The following TTC39B variants were observed in gnomAD, a reference collection of about 807,000 sequenced individuals.
The protein encoded by TTC39B is tetratricopeptide repeat protein 39B.
TTC39B carries 92 observed loss-of-function variants against 96.6 expected under a neutral mutation model. The observed-to-expected ratio is 0.95, with a 90% CI of 0.80 to 1.13. The LOEUF (loss-of-function observed/expected upper bound fraction) is 1.13. TTC39B is among the 50% of genes most tolerant of loss of function. The pLI is 0.00. For missense variants in TTC39B, 955 were observed against 809.3 expected, an observed-to-expected ratio of 1.18 and a Z score of -2.18; for synonymous variants, 367 against 299.4, an observed-to-expected ratio of 1.23 and a Z score of -2.33.
chr9:15,274,589 G>C (rs1031015192), intron 1 of TTC39B, among the ~76,000 whole-genome samples: 5 of 152,130 alleles, frequency 3.3e-5, no homozygotes, highest in Non-Finnish European at 7.4e-5. Context: ...CTTAATCAAA[G>C]GGAAAGAAAG....
exon 19 of TTC39B, chr9:15,175,082 A>G (rs564399366): frequency 6.2e-7 from 1 of 1,613,806 alleles, no homozygotes; most frequent in South Asian, 1.1e-5. Context: ...CAAAGATGCC[A>G]ATTCAAATAG....
chr9:15,285,012 A>G (rs1823905243), intron 1 of TTC39B, among the ~76,000 whole-genome samples: 2 of 152,108 alleles, frequency 1.3e-5, no homozygotes, highest in South Asian at 4.1e-4. Context: ...CTGTAATCCC[A>G]GCACTTTGGG....
chr9:15,218,688 T>C (rs1281507205), intron 3 of TTC39B, among the ~76,000 whole-genome samples: 1 of 151,556 alleles, frequency 6.6e-6, no homozygotes, highest in Non-Finnish European at 1.5e-5. Context: ...CTATACTATA[T>C]CATTATCACT....
exon 20 of TTC39B, chr9:15,168,121 T>C (rs1304942682): frequency 6.6e-6 from 1 of 152,166 alleles, no homozygotes; most frequent in Admixed American, 6.5e-5. Flanking sequence ...CTTTAAGAAG[T>C]GCAGCACGTA....
chr9:15,232,025 G>A (rs1396267109), intron 2 of TTC39B, among the ~76,000 whole-genome samples: 1 of 152,038 alleles, frequency 6.6e-6, no homozygotes, highest in Admixed American at 6.5e-5. Context: ...TCGTCACTGT[G>A]ATACTCATGG....
intron 3 of TTC39B, among the ~76,000 whole-genome samples, chr9:15,219,954 A>G (rs1357735618): frequency 6.6e-6 from 1 of 152,208 alleles, no homozygotes; most frequent in African/African-American, 2.4e-5. Context: ...CATCTAAGCT[A>G]TAATACATTC....
exon 20 of TTC39B, chr9:15,163,927 G>C (rs1327857272): frequency 6.6e-6 from 1 of 152,148 alleles, no homozygotes; most frequent in African/African-American, 2.4e-5. Context: ...ATTAGCATTA[G>C]CTTAAAAATC....
At chr9:15,225,398 T>C (rs1821067963) in intron 3 of TTC39B, among the ~76,000 whole-genome samples, 2 of 152,180 alleles carry the variant, frequency 1.3e-5, no homozygotes, top group Non-Finnish European at 2.9e-5. Flanking sequence ...TCTTAAAATA[T>C]ATTTTTAAAC....
chr9:15,202,956 C>A (rs1819629473), intron 7 of TTC39B, among the ~76,000 whole-genome samples: 1 of 152,120 alleles, frequency 6.6e-6, no homozygotes, highest in Non-Finnish European at 1.5e-5. Flanking sequence ...TAAAATGGAT[C>A]ATAAGAAAAG....
In TTC39B at chr9:15,242,544, C is replaced by T. The variant is rs2131474223; in HGVS notation, c.276-16532G>A. 2.0e-5 allele frequency among the ~76,000 whole-genome samples: 3 copies of T among 152,160 alleles called. No individual in the cohort carries two copies. The South Asian group carries it at 6.2e-4, about 32-fold the overall frequency. On this transcript the variant is annotated intron_variant, in intron 2 of 19. Coordinates refer to ENST00000512701, the Ensembl canonical transcript of TTC39B. ...GCTGCAGTGAGCTGTGATCATGTCA[C>T]TACACTCCAACCTGGGTGACAGAGC...
At chr9:15,195,573 G>C (rs901738514) in intron 8 of TTC39B, among the ~76,000 whole-genome samples, 7 of 151,432 alleles carry the variant, frequency 4.6e-5, no homozygotes, top group African/African-American at 1.7e-4. Context: ...GGGAGGCTGA[G>C]GCAGGAGAAT....
chr9:15,264,408 T>C (rs1299835163), intron 2 of TTC39B, among the ~76,000 whole-genome samples: 1 of 152,038 alleles, frequency 6.6e-6, no homozygotes, highest in East Asian at 1.9e-4. Flanking sequence ...TCCCAGCACT[T>C]TGGGGGAGGC....
intron 1 of TTC39B, among the ~76,000 whole-genome samples, chr9:15,295,488 GC>G (rs1343575327): frequency 6.6e-6 from 1 of 152,140 alleles, no homozygotes; most frequent in Non-Finnish European, 1.5e-5. Context: ...GTGACCTCGG[GC>G]CAATCACTTC....
chr9:15,166,962 T>C (rs1817528143), exon 20 of TTC39B: 1 of 113,478 alleles, frequency 8.8e-6, no homozygotes, highest in Non-Finnish European at 1.8e-5. Flanking sequence ...ATGGGTAACA[T>C]GTGTCCACAA....
At chr9:15,273,142 G>A (rs1464319666) in intron 1 of TTC39B, among the ~76,000 whole-genome samples, 7 of 152,148 alleles carry the variant, frequency 4.6e-5, no homozygotes, top group Non-Finnish European at 1.0e-4. Context: ...GTTCATTTAA[G>A]AATCTTAATG....
intron 1 of TTC39B, among the ~76,000 whole-genome samples, chr9:15,273,839 C>T (rs1823443419): frequency 6.6e-6 from 1 of 152,190 alleles, no homozygotes; most frequent in Non-Finnish European, 1.5e-5. Context: ...TGGACCATTC[C>T]CATGGAGATG....
Position 15,269,400 on chromosome 9 carries a change from G to A in TTC39B, c.241-1452C>T, listed in dbSNP as rs939754008. Among the ~76,000 whole-genome samples the A allele has an allele frequency of 4.6e-5, 7 of 152,218 alleles. No individual in the cohort carries two copies. The South Asian group carries it at 6.2e-4, about 14-fold the overall frequency. On this transcript the variant is annotated intron_variant, in intron 1 of 19. Coordinates refer to ENST00000512701, the Ensembl canonical transcript of TTC39B. ...TGAATGAATGAATGGAACCTGGACC[G>A]CCAAGGGACTTACCGTATCACACCT...
exon 19 of TTC39B, chr9:15,175,084 T>C (rs776894723): frequency 4.3e-6 from 7 of 1,613,674 alleles, no homozygotes; most frequent in African/African-American, 1.3e-5. Flanking sequence ...AAGATGCCAA[T>C]TCAAATAGAG....
At chr9:15,305,140 C>T (rs1045385383) in intron 1 of TTC39B, among the ~76,000 whole-genome samples, 1 of 152,166 alleles carries the variant, frequency 6.6e-6, no homozygotes, top group East Asian at 1.9e-4. Flanking sequence ...TCTTCAAGCC[C>T]ATTTACGGTA....
Sources: gnomAD v4.1 joint callset for allele counts (sites outside exome capture counted in the v4.1 genomes callset) on GRCh38, gnomAD v4.1.1 for gene constraint, MANE v1.5 for transcripts, NCBI Gene and HGNC (gene_info 2026-07-23, HGNC 2026-07-21) for gene names.